Variants in CDH3 observed in about 807,000 individuals in gnomAD.
CDH3 encodes cadherin-3.
Under a neutral mutation model 82.0 loss-of-function variants are expected in CDH3, and 54 were observed. That is an observed-to-expected ratio of 0.66 (90% CI 0.53 to 0.83). The LOEUF (loss-of-function observed/expected upper bound fraction) is 0.83. CDH3 is among the 40% of genes least tolerant of loss of function. The probability of loss-of-function intolerance (pLI) is 0.00; values close to 1 mark genes in which losing one functional copy is unlikely to be tolerated. For synonymous variants in CDH3, 446 were observed against 437.9 expected (o/e 1.02, Z -0.23); for missense variants, 1,054 against 1,084.6 (o/e 0.97, Z 0.40).
intron 2 of CDH3, among the ~76,000 whole-genome samples, chr16:68,668,012 T>A (rs770200699): frequency 6.6e-6 from 1 of 152,242 alleles, no homozygotes; most frequent in African/African-American, 2.4e-5. Flanking sequence ...TTTTAGGGAA[T>A]GTACATTTAG....
chr16:68,705,008 G>T (rs1961943065), downstream of CDH3, among the ~76,000 whole-genome samples: 1 of 152,154 alleles, frequency 6.6e-6, no homozygotes, highest in African/African-American at 2.4e-5. Flanking sequence ...GCTGCAGTGA[G>T]CCGTGATTAC....
chr16:68,677,965 T>A (rs899172792), intron 3 of CDH3, among the ~76,000 whole-genome samples, 169 bp from the exon 4 acceptor site: 1 of 152,018 alleles, frequency 6.6e-6, no homozygotes. Flanking sequence ...TCTCGCTATC[T>A]TGCCCAGGCT....
intron 1 of CDH3, among the ~76,000 whole-genome samples, chr16:68,710,647 C>T (rs951135210): frequency 2.6e-5 from 4 of 151,830 alleles, no homozygotes; most frequent in Admixed American, 2.0e-4. Context: ...CGCTTGAGAC[C>T]AGCCTGGCCA....
Position 68,645,416 on chromosome 16 carries a change from C to T in CDH3, c.37C>T (p.Leu13Phe). ...TCGTGGACCTCTCGCGTCTCTCCTC[C>T]TTCTCCAGGTACTCCACAGCCTCGC... ...LPRGPLASLLLLQVCWLQCAA... is the reference protein window; with the variant it reads ...LPRGPLASLLFLQVCWLQCAA... The change falls in exon 1 of 16, where the codon CTT becomes TTT. Residue 13 changes from leucine (L) to phenylalanine (F), a missense_variant. Coordinates refer to ENST00000264012, the MANE Select transcript of CDH3 (RefSeq NM_001793.6). The T allele has an allele frequency of 3.1e-6, 5 of 1,613,440 alleles. No homozygotes were observed. The highest frequency in any genetic ancestry group is 4.2e-6 in the Non-Finnish European group (5 of 1,179,772).
In CDH3 at chr16:68,684,636, C is replaced by T. The variant is rs186599732; in HGVS notation, c.1236C>T (p.Asn412=). 956 of 1,614,192 alleles carry T rather than the reference C, an allele frequency of 5.9e-4. 7 individuals carry two copies. The highest frequency in any genetic ancestry group is 7.5e-5 in the Non-Finnish European group (89 of 1,180,018). Residue 412 remains asparagine, a synonymous_variant, in exon 10 of 16, where the codon AAC becomes AAT. Coordinates refer to ENST00000264012, the MANE Select transcript of CDH3 (RefSeq NM_001793.6). ...NQHTLYVEVT[N]EAPFVLKLPT... ...ACACCCTGTACGTTGAAGTGACCAACGAGGCCCCTTTTGTGCTGAAGCTCC... is the reference window on the plus strand; with the variant it reads ...ACACCCTGTACGTTGAAGTGACCAATGAGGCCCCTTTTGTGCTGAAGCTCC...
intron 1 of CDH3, among the ~76,000 whole-genome samples, chr16:68,709,986 TCC>T (rs1404055396): frequency 1.3e-5 from 2 of 152,152 alleles, no homozygotes; most frequent in African/African-American, 4.8e-5. Flanking sequence ...GCTGGTTAAT[TCC>T]CCGTTTCCCC....
chr16:68,673,943 G>C (rs1960962007), intron 2 of CDH3, among the ~76,000 whole-genome samples: 1 of 152,136 alleles, frequency 6.6e-6, no homozygotes, highest in Non-Finnish European at 1.5e-5. Context: ...TCTCTTGATG[G>C]ACACTTGGGT....
intron 2 of CDH3, among the ~76,000 whole-genome samples, chr16:68,661,838 G>T (rs1255009000): frequency 6.6e-6 from 1 of 152,176 alleles, no homozygotes; most frequent in Non-Finnish European, 1.5e-5. Flanking sequence ...ATAGGCACCT[G>T]CCAGCACACC....
chr16:68,678,497 C>G lies in CDH3; in HGVS notation c.391-4C>G. On this transcript the variant is annotated splice_polypyrimidine_tract_variant and splice_region_variant and intron_variant, in intron 4 of 15. Transcript: ENST00000264012. ...TGTCAGCTGCCATTTTCTTTTCCCT[C>G]CAGCTCAAGTCTAATAAAGATAGAG... is the stretch of plus-strand genomic sequence containing the variant. 1 of 1,614,224 alleles carries G rather than the reference C, an allele frequency of 6.2e-7. No homozygotes were observed. Among genetic ancestry groups the G allele is most frequent in the Non-Finnish European group, 8.5e-7 (1 of 1,180,040 alleles).
In CDH3 at chr16:68,699,756, A is replaced by G. The variant is rs1353687175; in HGVS notation, c.*1356A>G. The G allele has an allele frequency of 6.6e-6, 1 of 152,104 alleles. No homozygotes were observed. The highest frequency in any genetic ancestry group is 1.5e-5 in the Non-Finnish European group (1 of 68,032). The allele number at this position is 152,104 out of a possible 1,614,324, so 9.4% of individuals were successfully genotyped here. A position where few individuals can be genotyped will look rare whatever the true frequency, so the allele number is the denominator to read the frequency against. ...TGATCCGCCCACGTCGGCCTCCCAA[A>G]GTGCTAGGATTACAGGCTTGAGCCA... is the stretch of plus-strand genomic sequence containing the variant. On this transcript the variant is annotated 3_prime_UTR_variant, in exon 16 of 16. Coordinates refer to ENST00000264012, the MANE Select transcript of CDH3 (RefSeq NM_001793.6).
intron 1 of CDH3, among the ~76,000 whole-genome samples, chr16:68,716,621 AAAAAAAAAAAAAAAAAAAG>A (rs2152110714): frequency 5.0e-4 from 1 of 2,000 alleles, no homozygotes; most frequent in South Asian, 0.021. Flanking sequence ...ACTCCGGCTC[AAAAAAAAAAAAAAAAAAAG>A]AAAAGAAAAA....
chr16:68,668,956 G>A (rs149028045), intron 2 of CDH3, among the ~76,000 whole-genome samples: 7 of 152,250 alleles, frequency 4.6e-5, no homozygotes, highest in Admixed American at 4.6e-4. Context: ...GATGAGGTAG[G>A]TATTGTTTCA....
In CDH3 at chr16:68,685,245, G is replaced by A; in HGVS notation, c.1465G>A (p.Asp489Asn). The part of the protein sequence containing the change: ...LRDPAGWLAM[D>N]PDSGQVTAVG... ...AGACCCAGCAGGGTGGCTAGCCATG[G>A]ACCCAGACAGTGGGCAGGTCACAGC... The change falls in exon 11 of 16, where the codon GAC (aspartate) becomes AAC (asparagine). Residue 489 changes from aspartate (D) to asparagine (N), a missense_variant. Coordinates refer to ENST00000264012, the MANE Select transcript of CDH3 (RefSeq NM_001793.6). 6.2e-7 allele frequency: 1 copy of A among 1,614,150 alleles called. No individual in the cohort carries two copies. Among genetic ancestry groups the A allele is most frequent in the East Asian group, 2.2e-5 (1 of 44,884 alleles).
intron 2 of CDH3, among the ~76,000 whole-genome samples, chr16:68,674,544 G>T (rs1423062583): frequency 6.6e-6 from 1 of 151,878 alleles, no homozygotes; most frequent in Admixed American, 6.6e-5. Flanking sequence ...ACCAGCTGGG[G>T]CAACAAAGTG....
intron 1 of CDH3, among the ~76,000 whole-genome samples, chr16:68,720,226 A>G (rs2152111139): frequency 6.6e-6 from 1 of 152,252 alleles, no homozygotes; most frequent in Admixed American, 6.5e-5. Flanking sequence ...TGTGAATTTT[A>G]CCATATGCAA....
At chr16:68,715,393 C>T (rs758212620) in intron 1 of CDH3, among the ~76,000 whole-genome samples, 12 of 148,554 alleles carry the variant, frequency 8.1e-5, no homozygotes, top group African/African-American at 3.0e-4. Flanking sequence ...TGTCACTGCA[C>T]TCCAGCCTGG....
At chr16:68,710,495 C>A (rs1343226685) in intron 1 of CDH3, among the ~76,000 whole-genome samples, 1 of 152,194 alleles carries the variant, frequency 6.6e-6, no homozygotes, top group Admixed American at 6.5e-5. Flanking sequence ...TGTTGCTAAA[C>A]CCCCTACAAT....
chr16:68,730,810 C>T (rs905440129), downstream of CDH3, among the ~76,000 whole-genome samples: 8 of 151,208 alleles, frequency 5.3e-5, no homozygotes, highest in African/African-American at 9.7e-5. Context: ...CACCTGAGGT[C>T]GGGAGTTCGA....
At chr16:68,645,488 A>C in intron 1 of CDH3, 64 bp downstream of exon 1, 6 of 1,569,580 alleles carry the variant, frequency 3.8e-6, no homozygotes, top group Non-Finnish European at 5.2e-6. Flanking sequence ...CGGGGTCCGC[A>C]TGGGGCAGTG....
Sources: gnomAD v4.1 joint callset for allele counts (sites outside exome capture counted in the v4.1 genomes callset) on GRCh38, gnomAD v4.1.1 for gene constraint, MANE v1.5 for transcripts, NCBI Gene and HGNC (gene_info 2026-07-23, HGNC 2026-07-21) for gene names.